Variants in PKN2 observed in about 807,000 individuals in gnomAD.
PKN2 encodes serine/threonine-protein kinase N2.
A neutral mutation model predicts 119.1 loss-of-function variants in PKN2; 38 were observed. The observed-to-expected ratio is 0.32, with a 90% CI of 0.25 to 0.42. The LOEUF (loss-of-function observed/expected upper bound fraction) is 0.42, where lower values mean the gene tolerates loss of function less well. PKN2 is among the 10% of genes least tolerant of loss of function. The probability of loss-of-function intolerance (pLI) is 1.00; values close to 1 mark genes in which losing one functional copy is unlikely to be tolerated. For missense variants in PKN2, 850 were observed against 1,165.1 expected, an observed-to-expected ratio of 0.73 and a Z score of 3.94; for synonymous variants, 390 against 384.9, an observed-to-expected ratio of 1.01 and a Z score of -0.15.
intron 1 of PKN2, among the ~76,000 whole-genome samples, chr1:88,721,611 C>T (rs1557564679): frequency 6.6e-6 from 1 of 152,064 alleles, no homozygotes; most frequent in Non-Finnish European, 1.5e-5. Flanking sequence ...TTTGAAGTTA[C>T]TTAAATTTTT....
intron 2 of PKN2, among the ~76,000 whole-genome samples, chr1:88,746,916 C>G (rs538052487): frequency 5.0e-4 from 76 of 152,224 alleles, no homozygotes; most frequent in African/African-American, 1.7e-3. Context: ...CAATACTATT[C>G]AGCCTTAAAG....
chr1:88,757,869 C>T (rs1193651881), intron 2 of PKN2, among the ~76,000 whole-genome samples: 3 of 151,142 alleles, frequency 2.0e-5, no homozygotes, highest in East Asian at 2.0e-4. Context: ...GGTGAAACCC[C>T]GTCTCTACTA....
chr1:88,721,963 C>A (rs1667697367), intron 1 of PKN2, among the ~76,000 whole-genome samples: 1 of 152,140 alleles, frequency 6.6e-6, no homozygotes, highest in Admixed American at 6.5e-5. Context: ...TAATCTGCAT[C>A]CCTATTCCTC....
intron 6 of PKN2, among the ~76,000 whole-genome samples, chr1:88,773,679 A>C (rs951958191): frequency 6.6e-6 from 1 of 152,134 alleles, no homozygotes; most frequent in African/African-American, 2.4e-5. Flanking sequence ...CTTGGGAGGC[A>C]GAGGCAGGAG....
At chr1:88,730,734 C>G (rs1042084685) in intron 1 of PKN2, among the ~76,000 whole-genome samples, 3 of 152,162 alleles carry the variant, frequency 2.0e-5, no homozygotes, top group Non-Finnish European at 2.9e-5. Context: ...TGCTTCAGTA[C>G]CAACTATGTG....
chr1:88,826,201 C>T (rs191406292), intron 18 of PKN2, among the ~76,000 whole-genome samples: 11 of 152,200 alleles, frequency 7.2e-5, no homozygotes, highest in Non-Finnish European at 1.0e-4. Context: ...TTTATGTTCC[C>T]GCTACTTGAC....
intron 1 of PKN2, among the ~76,000 whole-genome samples, chr1:88,709,310 C>T (rs1667130060): frequency 6.6e-6 from 1 of 152,130 alleles, no homozygotes; most frequent in South Asian, 2.1e-4. Context: ...CTGCCTTAGC[C>T]TCCCAAACTG....
In PKN2 at chr1:88,788,588, G is replaced by A. The variant is rs569379318; in HGVS notation, c.1281+2375G>A. On this transcript the variant is annotated intron_variant, in intron 8 of 21. Coordinates refer to ENST00000370521, the MANE Select transcript of PKN2 (RefSeq NM_006256.4). ...AGCCTCCTAAGTAGCTGGGATTACA[G>A]GCATGTACCACCACGCCTGTCTAAT... 7.6e-4 allele frequency among the ~76,000 whole-genome samples: 116 copies of A among 152,218 alleles called. 1 individual carries two copies. The highest frequency in any genetic ancestry group is 2.6e-3 in the African/African-American group (106 of 41,540).
chr1:88,830,253 C>A (rs1324750823), intron 19 of PKN2, among the ~76,000 whole-genome samples: 1 of 152,108 alleles, frequency 6.6e-6, no homozygotes, highest in Admixed American at 6.6e-5. Context: ...TTCATCCAGC[C>A]TTGTTTCTGT....
intron 8 of PKN2, among the ~76,000 whole-genome samples, chr1:88,786,472 G>T (rs762019002): frequency 5.9e-5 from 9 of 152,088 alleles, no homozygotes; most frequent in Non-Finnish European, 1.0e-4. Flanking sequence ...GATCAGTAAG[G>T]TGTAATATTG....
intron 1 of PKN2, among the ~76,000 whole-genome samples, chr1:88,717,775 T>C (rs1006652343): frequency 2.0e-5 from 3 of 152,098 alleles, no homozygotes; most frequent in Non-Finnish European, 4.4e-5. Context: ...TTATTACCGA[T>C]CTTCCGAAGC....
At chr1:88,786,046 C>G in intron 7 of PKN2, 58 bp from the exon 8 acceptor site, 1 of 997,134 alleles carries the variant, frequency 1.0e-6, no homozygotes, top group South Asian at 1.3e-5. Context: ...AACAGCAGTA[C>G]TTCTGTTTTT....
chr1:88,723,359 C>T (rs1667770436), intron 1 of PKN2, among the ~76,000 whole-genome samples: 1 of 151,892 alleles, frequency 6.6e-6, no homozygotes, highest in Non-Finnish European at 1.5e-5. Context: ...GTGATCCACC[C>T]ACCTCGGCCT....
At chr1:88,742,225 C>T (rs924262526) in intron 2 of PKN2, among the ~76,000 whole-genome samples, 3 of 151,932 alleles carry the variant, frequency 2.0e-5, no homozygotes, top group Admixed American at 6.6e-5. Context: ...TTTAGAAGAA[C>T]GTGTGTGATT....
intron 1 of PKN2, among the ~76,000 whole-genome samples, chr1:88,719,151 C>G (rs1667570832): frequency 6.6e-6 from 1 of 152,204 alleles, no homozygotes; most frequent in Non-Finnish European, 1.5e-5. Context: ...TTTCCTAAAT[C>G]ACATTTGTGT....
At chr1:88,697,039 G>T (rs1278847693) in intron 1 of PKN2, among the ~76,000 whole-genome samples, 1 of 151,978 alleles carries the variant, frequency 6.6e-6, no homozygotes, top group East Asian at 1.9e-4. Flanking sequence ...CATATTCATT[G>T]ACTATATGAA....
At chr1:88,696,785 T>A (rs990676402) in intron 1 of PKN2, among the ~76,000 whole-genome samples, 1 of 152,156 alleles carries the variant, frequency 6.6e-6, no homozygotes, top group African/African-American at 2.4e-5. Flanking sequence ...CTTAAATGTT[T>A]CAGTTACTTT....
At chr1:88,788,637 G>A (rs1183573125) in intron 8 of PKN2, among the ~76,000 whole-genome samples, 2 of 151,910 alleles carry the variant, frequency 1.3e-5, no homozygotes, top group Non-Finnish European at 2.9e-5. Flanking sequence ...TAGAGATGGG[G>A]GTTCTCCATG....
chr1:88,806,261 T>G, intron 12 of PKN2: 1 of 430,216 alleles, frequency 2.3e-6, no homozygotes, highest in South Asian at 2.4e-5. Flanking sequence ...TTCAAGCGAT[T>G]CTCCTGCAAG....
Sources: allele counts gnomAD v4.1 joint callset (sites outside exome capture counted in the v4.1 genomes callset), GRCh38; gene constraint gnomAD v4.1.1; transcripts MANE v1.5; gene names NCBI Gene and HGNC (gene_info 2026-07-23, HGNC 2026-07-21).